The following CTNND2 variants were observed in gnomAD, a reference collection of about 807,000 sequenced individuals.
The protein encoded by CTNND2 is catenin delta 2.
A neutral mutation model predicts 144.4 loss-of-function variants in CTNND2; 22 were observed. The observed-to-expected ratio is 0.15, with a 90% confidence interval of 0.11 to 0.22. The LOEUF (loss-of-function observed/expected upper bound fraction) is 0.22, where lower values mean the gene tolerates loss of function less well. Among genes scored for constraint, CTNND2 ranks in the 10% least tolerant of loss-of-function variants. The pLI, the probability that CTNND2 is intolerant of heterozygous loss-of-function variation, is 1.00. For synonymous variants in CTNND2, 751 were observed against 695.6 expected (o/e 1.08, Z -1.25); for missense variants, 1,353 against 1,618.8 (o/e 0.84, Z 2.82).
At chr5:11,534,487 C>T (rs1208483969) in intron 3 of CTNND2, among the ~76,000 whole-genome samples, 1 of 152,124 alleles carries the variant, frequency 6.6e-6, no homozygotes, top group Non-Finnish European at 1.5e-5. Flanking sequence ...TGCCTGTAAT[C>T]CTAGCTACTT....
At chr5:11,128,812 ATAT>A (rs1755002990) in intron 12 of CTNND2, among the ~76,000 whole-genome samples, 2 of 31,356 alleles carry the variant, frequency 6.4e-5, no homozygotes, top group Non-Finnish European at 1.0e-4. Context: ...TATACAATAT[ATAT>A]AATATATATT....
chr5:11,667,097 T>C (rs1447285298), intron 2 of CTNND2, among the ~76,000 whole-genome samples: 1 of 152,140 alleles, frequency 6.6e-6, no homozygotes, highest in East Asian at 1.9e-4. Context: ...GGACATGAAA[T>C]CATCCTTTTT....
At chr5:11,037,915 T>A (rs958736025) in intron 16 of CTNND2, among the ~76,000 whole-genome samples, 1 of 152,160 alleles carries the variant, frequency 6.6e-6, no homozygotes, top group African/African-American at 2.4e-5. Flanking sequence ...AAAGCAATAG[T>A]TACATTATTA....
At chr5:11,537,923 T>C (rs1774372274) in intron 3 of CTNND2, among the ~76,000 whole-genome samples, 1 of 152,212 alleles carries the variant, frequency 6.6e-6, no homozygotes, top group Non-Finnish European at 1.5e-5. Flanking sequence ...GCTTTTGTGC[T>C]CACTAATCAT....
intron 18 of CTNND2, among the ~76,000 whole-genome samples, chr5:11,005,968 A>T (rs2149518285): frequency 6.6e-6 from 1 of 152,334 alleles, no homozygotes; most frequent in Middle Eastern, 3.4e-3. Flanking sequence ...TATAATTAAA[A>T]AACAATTGTC....
intron 15 of CTNND2, 46 bp downstream of exon 15, chr5:11,098,529 T>A: frequency 6.6e-7 from 1 of 1,526,346 alleles, no homozygotes; most frequent in Non-Finnish European, 8.9e-7. Flanking sequence ...TCTGAGGAGT[T>A]GCTCATAACT....
At position 11,636,986 on chromosome 5, in the gene CTNND2, T is replaced by C. The variant is rs757819805; in HGVS notation, c.175-71930A>G. Among the ~76,000 whole-genome samples, 10 of 151,750 alleles carry C rather than the reference T, an allele frequency of 6.6e-5. No homozygotes were observed. In the East Asian group the frequency reaches 1.9e-3, roughly 29 times the overall value. Reference sequence around the variant, plus strand: ...AATAATATCATGATCCAGGAAACCATAGGAAAAAAAAGGTTACCAGCATGA... The same window carrying C: ...AATAATATCATGATCCAGGAAACCACAGGAAAAAAAAGGTTACCAGCATGA... On this transcript the variant is annotated intron_variant, in intron 2 of 21. Transcript: ENST00000304623.
chr5:11,086,865 A>G (rs1338704687), intron 15 of CTNND2, among the ~76,000 whole-genome samples: 1 of 152,222 alleles, frequency 6.6e-6, no homozygotes, highest in African/African-American at 2.4e-5. Flanking sequence ...AAAGGAGATT[A>G]ATACTATAAT....
intron 9 of CTNND2, among the ~76,000 whole-genome samples, chr5:11,269,507 T>C (rs1745782065): frequency 6.6e-6 from 1 of 152,226 alleles, no homozygotes; most frequent in Non-Finnish European, 1.5e-5. Flanking sequence ...ATTTGCATTG[T>C]ATTCATACCT....
intron 1 of CTNND2, among the ~76,000 whole-genome samples, chr5:11,811,604 C>A (rs1171005857): frequency 6.6e-6 from 1 of 151,944 alleles, no homozygotes; most frequent in Non-Finnish European, 1.5e-5. Flanking sequence ...CAATGGATGC[C>A]CTAGTTTTAT....
intron 2 of CTNND2, among the ~76,000 whole-genome samples, chr5:11,707,237 G>A (rs1400978167): frequency 6.6e-6 from 1 of 151,948 alleles, no homozygotes; most frequent in Non-Finnish European, 1.5e-5. Flanking sequence ...TTCTTACCAG[G>A]GAAGCTACTA....
chr5:11,735,962 T>C (rs1352532119), intron 1 of CTNND2, among the ~76,000 whole-genome samples: 1 of 152,226 alleles, frequency 6.6e-6, no homozygotes, highest in Non-Finnish European at 1.5e-5. Context: ...TTTTGTTTAT[T>C]TACATTTTAT....
At chr5:11,264,294 T>C (rs1234738435) in intron 9 of CTNND2, among the ~76,000 whole-genome samples, 3 of 152,166 alleles carry the variant, frequency 2.0e-5, no homozygotes, top group Admixed American at 2.0e-4. Context: ...TCTTTGCAGA[T>C]GTAAGTAAGT....
At chr5:11,697,885 A>G (rs1054999677) in intron 2 of CTNND2, among the ~76,000 whole-genome samples, 2 of 152,232 alleles carry the variant, frequency 1.3e-5, no homozygotes, top group Non-Finnish European at 2.9e-5. Flanking sequence ...AAAGGCAAAC[A>G]GCACATCTAA....
intron 3 of CTNND2, among the ~76,000 whole-genome samples, chr5:11,527,057 A>C (rs1430148723): frequency 1.3e-5 from 2 of 152,088 alleles, no homozygotes; most frequent in Non-Finnish European, 2.9e-5. Flanking sequence ...ACAAAAGAAA[A>C]AGAAGGTGGG....
At chr5:11,837,453 T>C (rs1169732117) in intron 1 of CTNND2, among the ~76,000 whole-genome samples, 1 of 152,200 alleles carries the variant, frequency 6.6e-6, no homozygotes, top group Non-Finnish European at 1.5e-5. Context: ...TGGTCAAGGT[T>C]TGAAGAACAG....
At chr5:11,376,284 GAGCTTA>G (rs1430338861) in intron 7 of CTNND2, among the ~76,000 whole-genome samples, 4 of 142,910 alleles carry the variant, frequency 2.8e-5, no homozygotes, top group Non-Finnish European at 6.2e-5. Context: ...CTAACCACCT[GAGCTTA>G]AGACCTGAGT....
chr5:11,617,570 T>C (rs1272583779), intron 2 of CTNND2, among the ~76,000 whole-genome samples: 2 of 152,220 alleles, frequency 1.3e-5, no homozygotes, highest in East Asian at 1.9e-4. Flanking sequence ...TCTAAGCTCA[T>C]TGTTAGGTCA....
At chr5:11,501,077 G>A (rs538555325) in intron 3 of CTNND2, among the ~76,000 whole-genome samples, 53 of 152,310 alleles carry the variant, frequency 3.5e-4, no homozygotes, top group African/African-American at 1.0e-3. Context: ...CTTGAAAAGA[G>A]ACTACTCTAG....
Sources: allele counts gnomAD v4.1 joint callset (sites outside exome capture counted in the v4.1 genomes callset), GRCh38; gene constraint gnomAD v4.1.1; transcripts MANE v1.5; gene names NCBI Gene and HGNC (gene_info 2026-07-23, HGNC 2026-07-21).